Variants in CRISPLD2 observed in about 807,000 individuals in gnomAD.
The protein encoded by CRISPLD2 is cysteine-rich secretory protein LCCL domain-containing 2.
A neutral mutation model predicts 71.1 loss-of-function variants in CRISPLD2; 47 were observed. The ratio of observed to expected loss-of-function variants is 0.66; its 90% confidence interval spans 0.52 to 0.84. CRISPLD2 has a LOEUF of 0.84. CRISPLD2 is among the 40% of genes least tolerant of loss of function. CRISPLD2 has a pLI of 0.00. For synonymous variants in CRISPLD2, 317 were observed against 250.1 expected, an observed-to-expected ratio of 1.27 and a Z score of -2.52; for missense variants, 830 against 651.1, an observed-to-expected ratio of 1.27 and a Z score of -2.99.
intron 8 of CRISPLD2, among the ~76,000 whole-genome samples, chr16:84,870,534 C>A (rs2071458697): frequency 6.6e-6 from 1 of 151,222 alleles, no homozygotes; most frequent in African/African-American, 2.4e-5. Context: ...CCAGGCTGGT[C>A]TCAAACTCCT....
intron 5 of CRISPLD2, among the ~76,000 whole-genome samples, chr16:84,851,532 T>C (rs181395619): frequency 3.0e-4 from 46 of 152,316 alleles, no homozygotes; most frequent in Non-Finnish European, 4.4e-4. Context: ...GGAGTAGTTA[T>C]GAAAAGGTGG....
At chr16:84,891,889 G>A (rs949709609) in intron 14 of CRISPLD2, among the ~76,000 whole-genome samples, 2 of 152,320 alleles carry the variant, frequency 1.3e-5, no homozygotes, top group East Asian at 1.9e-4. Context: ...CGCCACTGTC[G>A]CTGTCTTTGT....
chr16:84,847,144 G>T (rs1916936356), intron 3 of CRISPLD2, among the ~76,000 whole-genome samples: 1 of 152,212 alleles, frequency 6.6e-6, no homozygotes, highest in African/African-American at 2.4e-5. Context: ...GCTTTAGACA[G>T]CCTCTTAAAA....
intron 14 of CRISPLD2, among the ~76,000 whole-genome samples, chr16:84,904,978 A>T (rs1470793145): frequency 6.6e-6 from 1 of 152,198 alleles, no homozygotes. Flanking sequence ...TAAAACTTTT[A>T]TGCCTTAAAA....
intron 14 of CRISPLD2, among the ~76,000 whole-genome samples, chr16:84,897,777 C>G (rs143253230): frequency 3.1e-4 from 47 of 152,230 alleles, no homozygotes; most frequent in African/African-American, 1.1e-3. Context: ...CTGCCAGGCC[C>G]GGCTAATTTT....
chr16:84,830,686 G>A (rs1431312686), intron 1 of CRISPLD2, among the ~76,000 whole-genome samples: 1 of 151,808 alleles, frequency 6.6e-6, no homozygotes, highest in Non-Finnish European at 1.5e-5. Flanking sequence ...CTCAGCCTGG[G>A]CTACAGAGTG....
chr16:84,868,392 TGGGG>T (rs1917600171), intron 7 of CRISPLD2, among the ~76,000 whole-genome samples: 3 of 151,892 alleles, frequency 2.0e-5, no homozygotes, highest in African/African-American at 7.3e-5. Flanking sequence ...ATCTTGGCGA[TGGGG>T]GAGATGACTC....
intron 1 of CRISPLD2, among the ~76,000 whole-genome samples, chr16:84,835,256 G>A (rs4782668): frequency 0.65 from 99,059 of 151,754 alleles, 32,755 homozygotes; most frequent in Non-Finnish European, 0.69. Flanking sequence ...ACGCCCAACT[G>A]ATTTTGTATT....
rs981292423 is a variant in CRISPLD2 at position 84,889,311 on chromosome 16, G to C, written c.1387G>C (p.Asp463His). 1 of 1,614,000 alleles carries C rather than the reference G, an allele frequency of 6.2e-7. No homozygotes were observed. The highest frequency in any genetic ancestry group is 1.7e-5 in the Admixed American group (1 of 59,996). Residue 463 changes from aspartate (D) to histidine (H), a missense_variant, in exon 14 of 15, where the codon GAT becomes CAT. Asp to His is a moderately conservative substitution (Grantham distance 81, BLOSUM62 -1). Coordinates refer to ENST00000262424, the MANE Select transcript of CRISPLD2 (RefSeq NM_031476.4). ...SGGDVDVMPV[D>H]KKKTYVGSLR... is the part of the protein sequence containing the mutation. Reference sequence around the variant, plus strand: ...GGGTGACGTGGACGTGATGCCCGTGGATAAAAAGAAGACCTACGTGGGCTC... The same window carrying C: ...GGGTGACGTGGACGTGATGCCCGTGCATAAAAAGAAGACCTACGTGGGCTC...
chr16:84,881,811 C>G (rs1294164898), intron 13 of CRISPLD2, among the ~76,000 whole-genome samples: 1 of 152,002 alleles, frequency 6.6e-6, no homozygotes, highest in East Asian at 1.9e-4. Context: ...TTGTCATCAT[C>G]CCCTCCTTTA....
chr16:84,900,429 C>T (rs115486308), intron 14 of CRISPLD2, among the ~76,000 whole-genome samples: 2,377 of 152,136 alleles, frequency 0.016, 60 homozygotes, highest in African/African-American at 0.054. Context: ...GGCTGTTAAT[C>T]TTATACTCAA....
chr16:84,838,008 C>T (rs907706251), intron 1 of CRISPLD2, among the ~76,000 whole-genome samples: 5 of 152,180 alleles, frequency 3.3e-5, no homozygotes, highest in Admixed American at 2.0e-4. Flanking sequence ...TTGCTCTCAA[C>T]GTTGGTCCAC....
chr16:84,845,886 T>G lies in CRISPLD2; in HGVS notation c.341T>G (p.Leu114Arg). ...CTGCTGGTGTCCATCGGGCAGAACC[T>G]GGGCGCTCACTGGGGCAGGTAAGAG... ...TSLLVSIGQN[L>R]GAHWGRYRSP... The change falls in exon 3 of 15, where the codon CTG (leucine) becomes CGG (arginine). Residue 114 changes from leucine (L) to arginine (R), a missense_variant. Physicochemically the swap from Leu to Arg is moderately radical, Grantham distance 102 (BLOSUM62 -2). Transcript: ENST00000262424. 1 of 1,613,056 alleles carries G rather than the reference T, an allele frequency of 6.2e-7. No homozygotes were observed. Among genetic ancestry groups the G allele is most frequent in the Non-Finnish European group, 8.5e-7 (1 of 1,179,110 alleles).
intron 10 of CRISPLD2, 39 bp downstream of exon 10, chr16:84,873,161 C>T (rs1009576657): frequency 6.3e-7 from 1 of 1,596,694 alleles, no homozygotes; most frequent in Non-Finnish European, 8.5e-7. Flanking sequence ...AAACGGTTTT[C>T]CTGTTTATGA....
At chr16:84,906,144 G>C (rs923532257) in intron 14 of CRISPLD2, among the ~76,000 whole-genome samples, 11 of 152,006 alleles carry the variant, frequency 7.2e-5, no homozygotes, top group African/African-American at 2.4e-4. Context: ...CCCTGTGAAC[G>C]AGCGATAACA....
intron 6 of CRISPLD2, among the ~76,000 whole-genome samples, chr16:84,856,709 G>A (rs770495653): frequency 6.6e-6 from 1 of 152,180 alleles, no homozygotes; most frequent in African/African-American, 2.4e-5. Context: ...GCCAAGTATT[G>A]TCACCTAGTT....
chr16:84,870,932 C>A (rs988090065), intron 8 of CRISPLD2, among the ~76,000 whole-genome samples: 1 of 151,968 alleles, frequency 6.6e-6, no homozygotes. Context: ...GTGGCATATG[C>A]CTATAGTCCC....
chr16:84,839,416 C>G (rs1015595977), intron 2 of CRISPLD2: 1 of 172,524 alleles, frequency 5.8e-6, no homozygotes, highest in Non-Finnish European at 1.2e-5. Flanking sequence ...CCCGTGTGAG[C>G]CTCACTTTCC....
chr16:84,898,807 A>G (rs2071728661), intron 14 of CRISPLD2, among the ~76,000 whole-genome samples: 1 of 152,126 alleles, frequency 6.6e-6, no homozygotes, highest in South Asian at 2.1e-4. Flanking sequence ...ATTGGTTCAG[A>G]GTTGGTTGAG....
Sources: allele counts gnomAD v4.1 joint callset (sites outside exome capture counted in the v4.1 genomes callset), GRCh38; gene constraint gnomAD v4.1.1; transcripts MANE v1.5; gene names NCBI Gene and HGNC (gene_info 2026-07-23, HGNC 2026-07-21).